Variants in ACACB observed in about 807,000 individuals in gnomAD.
ACACB encodes acetyl-CoA carboxylase 2.
ACACB carries 209 observed loss-of-function variants against 278.8 expected under a neutral mutation model. The observed-to-expected ratio is 0.75, with a 90% confidence interval of 0.67 to 0.84. The LOEUF (loss-of-function observed/expected upper bound fraction) is 0.84. ACACB is among the 40% of genes least tolerant of loss of function. The pLI, the probability that ACACB is intolerant of heterozygous loss-of-function variation, is 0.00. For synonymous variants in ACACB, 1,174 were observed against 1,285.6 expected, an observed-to-expected ratio of 0.91 and a Z score of 1.86; for missense variants, 2,850 against 3,269.0, an observed-to-expected ratio of 0.87 and a Z score of 3.13.
intron 22 of ACACB, 104 bp from the exon 23 acceptor site, chr12:109,216,514 C>T: frequency 8.2e-7 from 1 of 1,220,566 alleles, no homozygotes; most frequent in Non-Finnish European, 1.1e-6. Flanking sequence ...GCCACCATGC[C>T]CAGCCAATCC....
chr12:109,227,792 G>C (rs951849691), intron 28 of ACACB, among the ~76,000 whole-genome samples: 4 of 152,232 alleles, frequency 2.6e-5, no homozygotes, highest in Non-Finnish European at 4.4e-5. Flanking sequence ...CAGCACTTTG[G>C]GGGGCCGAGG....
intron 31 of ACACB, 63 bp downstream of exon 31, chr12:109,234,108 G>A (rs116989914): frequency 3.2e-5 from 45 of 1,389,032 alleles, no homozygotes; most frequent in African/African-American, 5.7e-5. Flanking sequence ...GGCTGGGCTC[G>A]TCGAGGCGGC....
intron 13 of ACACB, 112 bp downstream of exon 13, chr12:109,188,274 C>A (rs1239894071): frequency 2.6e-6 from 3 of 1,144,318 alleles, no homozygotes; most frequent in Non-Finnish European, 3.7e-6. Context: ...TCTTTCTCCT[C>A]CCTTCCTTTC....
intron 27 of ACACB, among the ~76,000 whole-genome samples, chr12:109,226,867 T>G (rs2046327974): frequency 6.6e-6 from 1 of 152,144 alleles, no homozygotes; most frequent in African/African-American, 2.4e-5. Flanking sequence ...TATCAACCCC[T>G]GCTCTAGAGT....
rs564350873 is a variant in ACACB at position 109,248,116 on chromosome 12, T to C, written c.5669+413T>C. Among the ~76,000 whole-genome samples the C allele has an allele frequency of 2.0e-5, 3 of 152,238 alleles. No individual in the cohort carries two copies. The South Asian group carries it at 6.2e-4, about 32-fold the overall frequency. On this transcript the variant is annotated intron_variant, in intron 40 of 52. Transcript: ENST00000338432. ...CCAGGACAAGTTATGTTTTTCTCAG[T>C]GGGATTAACTGACTCAGGATTTCCT...
At chr12:109,168,593 AT>A (rs2043998540) in intron 4 of ACACB, among the ~76,000 whole-genome samples, 1 of 151,998 alleles carries the variant, frequency 6.6e-6, no homozygotes, top group Admixed American at 6.6e-5. Flanking sequence ...AGGTGGGAGG[AT>A]TGCTTGAGCC....
intron 1 of ACACB, among the ~76,000 whole-genome samples, chr12:109,136,111 T>G (rs1365039506): frequency 6.6e-6 from 1 of 152,172 alleles, no homozygotes; most frequent in African/African-American, 2.4e-5. Context: ...ATGCCTGGCC[T>G]GAAGAGATCA....
intron 4 of ACACB, among the ~76,000 whole-genome samples, chr12:109,169,803 A>G (rs1349222271): frequency 2.6e-5 from 4 of 152,164 alleles, no homozygotes; most frequent in Non-Finnish European, 4.4e-5. Context: ...TAAAAGAAAA[A>G]CTGGACAAGG....
intron 11 of ACACB, among the ~76,000 whole-genome samples, chr12:109,181,520 A>G (rs7971745): frequency 1.3e-5 from 2 of 151,944 alleles, no homozygotes; most frequent in Non-Finnish European, 2.9e-5. Context: ...GAGCCACTGC[A>G]CCTGGCCTGT....
intron 37 of ACACB, 124 bp downstream of exon 37, chr12:109,242,716 G>T (rs1565963798): frequency 1.0e-5 from 12 of 1,199,082 alleles, no homozygotes; most frequent in East Asian, 2.4e-5. Context: ...TGCCAGGTGC[G>T]GTGGCTCACG....
chr12:109,243,125 T>C (rs1369391683), intron 37 of ACACB, among the ~76,000 whole-genome samples: 1 of 152,054 alleles, frequency 6.6e-6, no homozygotes, highest in Non-Finnish European at 1.5e-5. Flanking sequence ...AAAGAAAAAA[T>C]AATTCCTAGT....
intron 48 of ACACB, among the ~76,000 whole-genome samples, chr12:109,262,072 C>T (rs1023481940): frequency 6.6e-6 from 1 of 151,880 alleles, no homozygotes; most frequent in African/African-American, 2.4e-5. Flanking sequence ...GTTATGCTGC[C>T]ATGGAAAAAG....
rs1389807770 is a variant in ACACB, at chr12:109,267,885, G to A, written c.*1523G>A. The A allele has an allele frequency of 6.6e-6, 1 of 152,266 alleles. No individual in the cohort carries two copies. Among genetic ancestry groups the A allele is most frequent in the African/African-American group, 2.4e-5 (1 of 41,444 alleles). 9.4% of individuals were successfully genotyped at this position (152,266 alleles called of 1,614,324 possible). ...CTGAATGTAATGCCTGGTCAATGTG[G>A]AAGCCCATGAGGTTGCCCAGGGAAG... On this transcript the variant is annotated 3_prime_UTR_variant, in exon 53 of 53. Transcript: ENST00000338432.
intron 2 of ACACB, among the ~76,000 whole-genome samples, chr12:109,147,832 G>A (rs2043280824): frequency 1.3e-5 from 2 of 152,152 alleles, no homozygotes; most frequent in Admixed American, 1.3e-4. Flanking sequence ...ATGAATGGAT[G>A]AATGAATGAA....
intron 28 of ACACB, among the ~76,000 whole-genome samples, 194 bp downstream of exon 28, chr12:109,227,683 C>G (rs746289360): frequency 2.0e-4 from 30 of 152,214 alleles, no homozygotes; most frequent in Middle Eastern, 3.2e-3. Context: ...GCAGAGCCCA[C>G]CTCCTACACC....
At chr12:109,258,236 C>T in intron 45 of ACACB, 32 bp from the exon 46 acceptor site, 4 of 1,582,812 alleles carry the variant, frequency 2.5e-6, no homozygotes, top group African/African-American at 1.3e-5. Context: ...GGGTGCTGCC[C>T]AGGGCCTGGC....
At chr12:109,242,263 G>C (rs2046820238) in intron 36 of ACACB, 174 bp from the exon 37 acceptor site, 1 of 631,730 alleles carries the variant, frequency 1.6e-6, no homozygotes, top group Admixed American at 3.0e-5. Flanking sequence ...TCTTGTTCTG[G>C]CCCTCCACAG....
rs73191140 is a variant in ACACB at position 109,199,567 on chromosome 12, G to C, written c.2778+15G>C. On this transcript the variant is annotated intron_variant, in intron 18 of 52. Coordinates refer to ENST00000338432, the MANE Select transcript of ACACB (RefSeq NM_001093.4). ...CTGAGATGGAGGTGACTGCAGAGCCGGCCGTGGGGAATCCTGAACCCTCAA... is the reference window on the plus strand; with the variant it reads ...CTGAGATGGAGGTGACTGCAGAGCCCGCCGTGGGGAATCCTGAACCCTCAA... The C allele has an allele frequency of 0.03, 42,575 of 1,424,834 alleles. 759 individuals are homozygous for C. Among genetic ancestry groups the C allele is most frequent in the Middle Eastern group, 0.039 (204 of 5,210 alleles). The allele number at this position is 1,424,834 out of a possible 1,614,324, so 88.3% of individuals were successfully genotyped here. A position where few individuals can be genotyped will look rare whatever the true frequency, so the allele number is the denominator to read the frequency against.
rs755165978 is a variant in ACACB at position 109,201,677 on chromosome 12, C to T, written c.2889C>T (p.Leu963=). 11 of 1,614,018 alleles carry T rather than the reference C, an allele frequency of 6.8e-6. No homozygotes were observed. Among genetic ancestry groups the T allele is most frequent in the Middle Eastern group, 1.6e-4 (1 of 6,066 alleles). The stretch of plus-strand genomic sequence containing the variant: ...GCTGCGTGGTGGCCAGGCTGGAGCT[C>T]GATGACCCTTCTAAAGTCCACCCGG... ...EAGCVVARLE[L]DDPSKVHPAE... is the part of the protein sequence containing the mutation. Residue 963 remains leucine (L), a synonymous_variant, in exon 19 of 53, where the codon CTC becomes CTT. Transcript: ENST00000338432.
Sources: allele counts gnomAD v4.1 joint callset (sites outside exome capture counted in the v4.1 genomes callset), GRCh38; gene constraint gnomAD v4.1.1; transcripts MANE v1.5; gene names NCBI Gene and HGNC (gene_info 2026-07-23, HGNC 2026-07-21).